CMTM8: variants seen among roughly 807,000 people sequenced by gnomAD.
CMTM8 encodes the protein CKLF like MARVEL transmembrane domain containing 8.
CMTM8 carries 12 observed loss-of-function variants against 18.6 expected under a neutral mutation model. The observed-to-expected ratio is 0.65, with a 90% CI of 0.41 to 1.05. The LOEUF is 1.05. CMTM8 is among the 50% of genes least tolerant of loss of function. CMTM8 has a pLI of 0.00. For missense variants in CMTM8, 217 were observed against 227.2 expected (o/e 0.95, Z 0.29); for synonymous variants, 87 against 90.6 (o/e 0.96, Z 0.23).
intron 1 of CMTM8, among the ~76,000 whole-genome samples, chr3:32,310,223 TG>T (rs138324957): frequency 0.018 from 2,768 of 152,200 alleles, 79 homozygotes; most frequent in African/African-American, 0.063. Context: ...GGTACTCAAC[TG>T]TAGGGACAAA....
chr3:32,315,125 CTTCTTT>C (rs922990786), intron 1 of CMTM8, among the ~76,000 whole-genome samples: 1 of 143,874 alleles, frequency 7.0e-6, no homozygotes, highest in Non-Finnish European at 1.5e-5. Context: ...TCTTCTTCTT[CTTCTTT>C]TTTTTTTTTT....
At chr3:32,303,743 C>T (rs1393805189) in intron 1 of CMTM8, among the ~76,000 whole-genome samples, 1 of 152,014 alleles carries the variant, frequency 6.6e-6, no homozygotes, top group Non-Finnish European at 1.5e-5. Flanking sequence ...CATTTTTTTA[C>T]ATCTGGTTTC....
chr3:32,239,563 G>A (rs939783487), intron 1 of CMTM8, among the ~76,000 whole-genome samples: 2 of 152,124 alleles, frequency 1.3e-5, no homozygotes, highest in African/African-American at 4.8e-5. Flanking sequence ...CTCCCTGGTA[G>A]TAACATTGAG....
chr3:32,353,807 C>T (rs151049099), intron 1 of CMTM8, among the ~76,000 whole-genome samples: 3,243 of 128,780 alleles, frequency 0.025, 116 homozygotes, highest in African/African-American at 0.088. Context: ...TTTTTTGAGA[C>T]GGAGTCTCCC....
chr3:32,359,185 C>A (rs900198262), intron 2 of CMTM8, among the ~76,000 whole-genome samples: 1 of 152,222 alleles, frequency 6.6e-6, no homozygotes, highest in Admixed American at 6.5e-5. Flanking sequence ...ATAGTAAGTA[C>A]TGTAGTCGTC....
intron 1 of CMTM8, among the ~76,000 whole-genome samples, chr3:32,348,750 C>G (rs1375097997): frequency 6.6e-6 from 1 of 152,022 alleles, no homozygotes; most frequent in Non-Finnish European, 1.5e-5. Context: ...GTCCATCCAC[C>G]TCGGCCTCCC....
intron 1 of CMTM8, among the ~76,000 whole-genome samples, chr3:32,315,757 G>A (rs1205180627): frequency 6.6e-6 from 1 of 152,094 alleles, no homozygotes; most frequent in African/African-American, 2.4e-5. Context: ...CTTTGAAAAA[G>A]GTGACTTATG....
chr3:32,268,060 G>T (rs568460478), intron 1 of CMTM8, among the ~76,000 whole-genome samples: 19 of 152,310 alleles, frequency 1.2e-4, no homozygotes, highest in South Asian at 1.2e-3. Flanking sequence ...TCTAGAACTA[G>T]AAATACCATT....
At chr3:32,350,663 T>C (rs1199668134) in intron 1 of CMTM8, among the ~76,000 whole-genome samples, 1 of 151,998 alleles carries the variant, frequency 6.6e-6, no homozygotes, top group Non-Finnish European at 1.5e-5. Flanking sequence ...TGGGACTAGA[T>C]AGAGGCACAT....
intron 1 of CMTM8, among the ~76,000 whole-genome samples, chr3:32,326,515 CTTTTTTTTTTTTTTTT>C (rs58555396): frequency 8.8e-6 from 1 of 113,372 alleles, no homozygotes; most frequent in Non-Finnish European, 1.8e-5. Context: ...TTCTTTCTTT[CTTTTTTTTTTTTTTTT>C]TTTTTGACAG....
chr3:32,324,562 G>T (rs1696119909), intron 1 of CMTM8, among the ~76,000 whole-genome samples: 1 of 152,204 alleles, frequency 6.6e-6, no homozygotes, highest in African/African-American at 2.4e-5. Context: ...TTCTCTAAGA[G>T]GGTGAAAAGG....
At chr3:32,297,684 T>G (rs2125560684) in intron 1 of CMTM8, among the ~76,000 whole-genome samples, 1 of 152,130 alleles carries the variant, frequency 6.6e-6, no homozygotes, top group Non-Finnish European at 1.5e-5. Context: ...AAAACATTGA[T>G]GGTGAAAGAT....
chr3:32,278,349 A>C (rs993738715), intron 1 of CMTM8, among the ~76,000 whole-genome samples: 1 of 152,212 alleles, frequency 6.6e-6, no homozygotes, highest in Non-Finnish European at 1.5e-5. Flanking sequence ...GATGGTATGG[A>C]CAAACTATAT....
chr3:32,346,522 C>T (rs919717130), intron 1 of CMTM8, among the ~76,000 whole-genome samples: 1 of 152,210 alleles, frequency 6.6e-6, no homozygotes, highest in Admixed American at 6.5e-5. Context: ...TGAGGGCTCT[C>T]TCCTTTGGTT....
chr3:32,317,129 G>A (rs77007385), intron 1 of CMTM8, among the ~76,000 whole-genome samples: 3,977 of 152,252 alleles, frequency 0.026, 51 homozygotes, highest in Non-Finnish European at 0.04. Flanking sequence ...CTGGGACAGG[G>A]ACTCATATCT....
chr3:32,345,018 G>C (rs1696566952), intron 1 of CMTM8, among the ~76,000 whole-genome samples: 1 of 152,148 alleles, frequency 6.6e-6, no homozygotes, highest in Non-Finnish European at 1.5e-5. Flanking sequence ...ACTGAGAGCT[G>C]CAAGTGGTGA....
intron 1 of CMTM8, among the ~76,000 whole-genome samples, chr3:32,343,708 G>T (rs1254182555): frequency 1.3e-5 from 2 of 150,178 alleles, no homozygotes; most frequent in Admixed American, 1.3e-4. Context: ...TTTTGTTTTT[G>T]TTTTTGAGAC....
chr3:32,253,948 C>T (rs1409972244), intron 1 of CMTM8, among the ~76,000 whole-genome samples: 1 of 151,840 alleles, frequency 6.6e-6, no homozygotes, highest in East Asian at 2.0e-4. Flanking sequence ...GGCTGGAGTG[C>T]AGTGGCACAA....
intron 1 of CMTM8, among the ~76,000 whole-genome samples, chr3:32,251,225 T>C (rs1276532100): frequency 2.0e-5 from 3 of 152,192 alleles, no homozygotes; most frequent in Admixed American, 2.0e-4. Context: ...CCTGAACATA[T>C]GAAAAAGAGC....
Sources: allele counts gnomAD v4.1 joint callset (sites outside exome capture counted in the v4.1 genomes callset), GRCh38; gene constraint gnomAD v4.1.1; transcripts MANE v1.5; gene names NCBI Gene and HGNC (gene_info 2026-07-23, HGNC 2026-07-21).